SMARCA2: variants seen among roughly 807,000 people sequenced by gnomAD.
SMARCA2 encodes SWI/SNF related BAF chromatin remodeling complex subunit ATPase 2.
SMARCA2 carries 61 observed loss-of-function variants against 199.8 expected under a neutral mutation model. That is an observed-to-expected ratio of 0.31 (90% confidence interval 0.25 to 0.38). The LOEUF (loss-of-function observed/expected upper bound fraction) is 0.38. Among genes scored for constraint, SMARCA2 ranks in the 10% least tolerant of loss-of-function variants. The pLI is 1.00. For synonymous variants in SMARCA2, 935 were observed against 732.0 expected, an observed-to-expected ratio of 1.28 and a Z score of -4.48; for missense variants, 1,344 against 2,012.2, an observed-to-expected ratio of 0.67 and a Z score of 6.35.
At chr9:2,141,181 C>T (rs72689135) in intron 27 of SMARCA2, among the ~76,000 whole-genome samples, 447 of 99,234 alleles carry the variant, frequency 4.5e-3, no homozygotes, top group Non-Finnish European at 8.0e-3. Context: ...AAATTAGACC[C>T]TTTCTCTCAG....
Position 2,169,216 on chromosome 9 carries a change from C to T in SMARCA2, c.4200-1203C>T, listed in dbSNP as rs554116641. Among the ~76,000 whole-genome samples, 11 of 152,324 alleles carry T rather than the reference C, an allele frequency of 7.2e-5. No homozygotes were observed. The highest frequency in any genetic ancestry group is 2.2e-4 in the African/African-American group (9 of 41,578). On this transcript the variant is annotated intron_variant, in intron 28 of 33. Coordinates refer to ENST00000349721, the MANE Select transcript of SMARCA2 (RefSeq NM_003070.5). This position sits in a 1 kb window ranked among gnomAD's most constrained non-coding sequence, Gnocchi z 6.5. ...TGAGGCCCTTGCACTGCTGGCCTGGCCTGGCAAGCTGCAGGGTGGACTGCG... is the reference window on the plus strand; with the variant it reads ...TGAGGCCCTTGCACTGCTGGCCTGGTCTGGCAAGCTGCAGGGTGGACTGCG...
At chr9:2,151,860 C>T (rs1825098883) in intron 27 of SMARCA2, among the ~76,000 whole-genome samples, 1 of 152,090 alleles carries the variant, frequency 6.6e-6, no homozygotes, top group South Asian at 2.1e-4. Flanking sequence ...CAGAAAACCA[C>T]TTATGATTGA....
chr9:2,186,259 T>G, intron 32 of SMARCA2, 31 bp downstream of exon 32: 1 of 1,598,932 alleles, frequency 6.3e-7, no homozygotes, highest in Non-Finnish European at 8.5e-7. Flanking sequence ...CCTGTACATC[T>G]TTGCCCCTCC....
At chr9:2,040,024 C>A in intron 4 of SMARCA2, 124 bp downstream of exon 4, 1 of 1,492,780 alleles carries the variant, frequency 6.7e-7, no homozygotes. Context: ...ACCTCACTGG[C>A]TCTCTATCCT....
chr9:2,046,025 A>G (rs1401435014), intron 4 of SMARCA2: 1 of 152,218 alleles, frequency 6.6e-6, no homozygotes, highest in East Asian at 1.9e-4. Flanking sequence ...TTCATAATGT[A>G]TGTCGTTGTA....
rs1187504196 is a variant in SMARCA2, at chr9:2,016,626, G to A, written c.-37+1222G>A. On this transcript the variant is annotated intron_variant, in intron 1 of 33. Coordinates refer to ENST00000349721, the MANE Select transcript of SMARCA2 (RefSeq NM_003070.5). This position sits in a 1 kb window ranked among gnomAD's most constrained non-coding sequence, Gnocchi z 5.6. ...CAGGACCCGCGCACCACCGGGCAGC[G>A]GCGGTGTGGTTCGCCCGGGAAGGGG... Among the ~76,000 whole-genome samples, 6 of 151,486 alleles carry A rather than the reference G, an allele frequency of 4.0e-5. No homozygotes were observed. The East Asian group carries it at 1.2e-3, about 30-fold the overall frequency.
At chr9:2,171,868 C>T (rs369199284) in intron 29 of SMARCA2, among the ~76,000 whole-genome samples, 54 of 152,304 alleles carry the variant, frequency 3.5e-4, no homozygotes, top group East Asian at 2.7e-3. Context: ...GTCATGTGAC[C>T]ACGAAAAGTA....
At position 2,038,971 on chromosome 9, in the gene SMARCA2, T is replaced by C. The variant is rs16936873; in HGVS notation, c.356-495T>C. 8.4e-3 allele frequency among the ~76,000 whole-genome samples: 1,287 copies of C among 152,328 alleles called. 30 individuals carry two copies. Among genetic ancestry groups the C allele is most frequent in the African/African-American group, 0.03 (1,230 of 41,560 alleles). ...GTTATGTTCTCGCAGTTGGAGCTAC[T>C]TTTACCATTCAGTACTGTCCCTTGG... On this transcript the variant is annotated intron_variant, in intron 3 of 33. Transcript: ENST00000349721.
At chr9:2,122,535 C>G (rs1823509488) in intron 26 of SMARCA2, among the ~76,000 whole-genome samples, 1 of 152,140 alleles carries the variant, frequency 6.6e-6, no homozygotes, top group African/African-American at 2.4e-5. Flanking sequence ...CATTTATCAA[C>G]CAATGGGACT....
chr9:2,057,435 CACAA>C (rs1308367923), intron 7 of SMARCA2, among the ~76,000 whole-genome samples: 3 of 152,146 alleles, frequency 2.0e-5, no homozygotes, highest in Non-Finnish European at 4.4e-5. Context: ...TTTGGGAGGA[CACAA>C]ACATTCAGTC....
chr9:2,039,818 A>AGCAGCAGCAGCAGCAG lies in SMARCA2; in HGVS notation c.708_709insGCAGCAGCAGCAGCAG (p.Gln237AlafsTer27). 1.3e-6 allele frequency: 2 copies of AGCAGCAGCAGCAGCAG among 1,586,286 alleles called. No individual in the cohort carries two copies. Among genetic ancestry groups the AGCAGCAGCAGCAGCAG allele is most frequent in the South Asian group, 2.3e-5 (2 of 87,448 alleles). On this transcript the variant is annotated frameshift_variant, in exon 4 of 34. Transcript: ENST00000349721. LOFTEE classifies it high-confidence loss of function. This position sits in a 1 kb window ranked among gnomAD's most constrained non-coding sequence, Gnocchi z 4.8. ...AGCAGCAGCAGCAGCAGCAGCAGCA[A>AGCAGCAGCAGCAGCAG]CAGCAGCCGCAGCAGCAGCCGCCGC...
chr9:2,056,700 G>T lies in SMARCA2; in HGVS notation c.1202G>T (p.Arg401Leu), dbSNP rs745500947. 1.2e-6 allele frequency: 2 copies of T among 1,613,892 alleles called. No individual in the cohort carries two copies. The highest frequency in any genetic ancestry group is 1.7e-6 in the Non-Finnish European group (2 of 1,179,912). ...QLRQEVVACM[R>L]RDTTLETALN... Reference sequence around the variant, plus strand: ...AGACAGGAGGTGGTGGCCTGCATGCGCAGGGACACGACCCTGGAGACGGCT... The same window carrying T: ...AGACAGGAGGTGGTGGCCTGCATGCTCAGGGACACGACCCTGGAGACGGCT... Residue 401 changes from arginine to leucine, a missense_variant, in exon 7 of 34, where the codon CGC becomes CTC. Physicochemically the swap from Arg to Leu is moderately radical, Grantham distance 102. Coordinates refer to ENST00000349721, the MANE Select transcript of SMARCA2 (RefSeq NM_003070.5). This position sits in a 1 kb window ranked among gnomAD's most constrained non-coding sequence, Gnocchi z 4.0.
Position 2,182,198 on chromosome 9 carries a change from C to A in SMARCA2, c.4417C>A (p.Leu1473Ile), listed in dbSNP as rs1213763928. 1 of 1,613,788 alleles carries A rather than the reference C, an allele frequency of 6.2e-7. No homozygotes were observed. Among genetic ancestry groups the A allele is most frequent in the Non-Finnish European group, 8.5e-7 (1 of 1,179,664 alleles). The change falls in exon 31 of 34, where the codon CTT becomes ATT. Residue 1473 changes from leucine to isoleucine, a missense_variant. This residue lies in a region of SMARCA2 where 151 missense variants were observed against 154.0 expected (regional missense o/e 0.98). Coordinates refer to ENST00000349721, the MANE Select transcript of SMARCA2 (RefSeq NM_003070.5). The stretch of plus-strand genomic sequence containing the variant: ...AGGCGACCTGGAGAAGGATGTCATG[C>A]TTCTCTGTCACAACGCTCAGACGTT... ...SLGDLEKDVM[L>I]LCHNAQTFNL...
chr9:2,168,169 G>A lies in SMARCA2; in HGVS notation c.4200-2250G>A, dbSNP rs541144387. Among the ~76,000 whole-genome samples, 3 of 151,934 alleles carry A rather than the reference G, an allele frequency of 2.0e-5. No homozygotes were observed. In the South Asian group the frequency reaches 6.2e-4, roughly 32 times the overall value. On this transcript the variant is annotated intron_variant, in intron 28 of 33. Transcript: ENST00000349721. ...TGGGATTATGGGCGTGCACCACGAT[G>A]CCTGGCTAATTTTGTATTTTTGGTA...
At position 2,098,935 on chromosome 9, in the gene SMARCA2, G is replaced by A. The variant is rs184854289; in HGVS notation, c.3078+1464G>A. Among the ~76,000 whole-genome samples the A allele has an allele frequency of 4.1e-3, 598 of 146,218 alleles. 4 individuals are homozygous for A. The highest frequency in any genetic ancestry group is 7.1e-3 in the Admixed American group (104 of 14,622). On this transcript the variant is annotated intron_variant, in intron 21 of 33. Coordinates refer to ENST00000349721, the MANE Select transcript of SMARCA2 (RefSeq NM_003070.5). Reference sequence around the variant, plus strand: ...GTACTCCAGCCTGAGTGACAACAGCGAAACTCGGTCTCAAAAAAAAAAAAA... The same window carrying A: ...GTACTCCAGCCTGAGTGACAACAGCAAAACTCGGTCTCAAAAAAAAAAAAA...
rs145668742 is a variant in SMARCA2 at position 2,081,972 on chromosome 9, C to G, written c.2325C>G (p.Pro775=). Residue 775 remains proline (P), a synonymous_variant, in exon 15 of 34, where the codon CCC becomes CCG. Transcript: ENST00000349721. ...TGGAGCACAAAAGACTCAATGGCCC[C>G]TATCTCATCATTGTTCCCCTTTCGT... ...YLMEHKRLNG[P]YLIIVPLSTL... 1.2e-6 allele frequency: 2 copies of G among 1,613,760 alleles called. No homozygotes were observed. The highest frequency in any genetic ancestry group is 1.1e-5 in the South Asian group (1 of 91,006).
chr9:2,106,714 AT>A (rs1447333413), intron 23 of SMARCA2, among the ~76,000 whole-genome samples: 1 of 152,192 alleles, frequency 6.6e-6, no homozygotes, highest in Non-Finnish European at 1.5e-5. Flanking sequence ...CTAAGCAGAA[AT>A]TTTCTGCAAA....
At chr9:2,175,925 G>C (rs1029661732) in intron 29 of SMARCA2, among the ~76,000 whole-genome samples, 1 of 152,026 alleles carries the variant, frequency 6.6e-6, no homozygotes, top group Non-Finnish European at 1.5e-5. Context: ...TGTTGCCCAA[G>C]CTGGAGTGCA....
intron 32 of SMARCA2, among the ~76,000 whole-genome samples, chr9:2,188,091 AT>A (rs1159431969): frequency 6.6e-6 from 1 of 152,238 alleles, no homozygotes; most frequent in Admixed American, 6.5e-5. Context: ...TTCTAATTAC[AT>A]GTTAATACAG....
Sources: allele counts gnomAD v4.1 joint callset (sites outside exome capture counted in the v4.1 genomes callset), GRCh38; gene constraint gnomAD v4.1.1; regional missense constraint gnomAD v4.1.1; non-coding constraint Gnocchi (gnomAD v3.1); transcripts MANE v1.5; gene names NCBI Gene and HGNC (gene_info 2026-07-23, HGNC 2026-07-21).